KCNH1: variants seen among roughly 807,000 people sequenced by gnomAD.
KCNH1 encodes potassium voltage-gated channel subfamily H member 1.
In KCNH1, 27 loss-of-function variants were observed where a neutral mutation model predicts 69.2. That is an observed-to-expected ratio of 0.39 (90% CI 0.29 to 0.54). The LOEUF (loss-of-function observed/expected upper bound fraction) is 0.54, where lower values mean the gene tolerates loss of function less well. KCNH1 is among the 20% of genes least tolerant of loss of function. KCNH1 has a pLI of 0.68. For missense variants in KCNH1, 798 were observed against 1,261.6 expected, an observed-to-expected ratio of 0.63 and a Z score of 5.57; for synonymous variants, 456 against 487.7, an observed-to-expected ratio of 0.93 and a Z score of 0.86.
At chr1:210,783,508 G>A (rs554819195) in intron 9 of KCNH1, among the ~76,000 whole-genome samples, 1 of 152,312 alleles carries the variant, frequency 6.6e-6, no homozygotes, top group African/African-American at 2.4e-5. Context: ...GTGGCCATCT[G>A]TTCAAGTTCT....
rs149304978 is a variant in KCNH1 at position 210,885,476 on chromosome 1, G to T, written c.1462+34164C>A. Among the ~76,000 whole-genome samples the T allele has an allele frequency of 1.6e-3, 245 of 151,896 alleles. 1 individual carries two copies. The highest frequency in any genetic ancestry group is 5.6e-3 in the African/African-American group (233 of 41,280). ...GGCCCTGGGTTTCAAGCACAAAACC[G>T]GGCTGCCATTTGGGCAGGAGTTTTT... On this transcript the variant is annotated intron_variant, in intron 7 of 10. Transcript: ENST00000271751.
rs1273228019 is a variant in KCNH1 at position 210,718,483 on chromosome 1, T to TAC, written c.2113-34347_2113-34346dup. Among the ~76,000 whole-genome samples, 88 of 72,300 alleles carry TAC rather than the reference T, an allele frequency of 1.2e-3. 6 individuals are homozygous for TAC. The highest frequency in any genetic ancestry group is 1.6e-3 in the Non-Finnish European group (63 of 38,698). 47.4% of individuals were successfully genotyped at this position (72,300 alleles called of 152,430 possible). A position where few individuals can be genotyped will look rare whatever the true frequency, so the allele number is the denominator to read the frequency against. On this transcript the variant is annotated intron_variant, in intron 10 of 10. Coordinates refer to ENST00000271751, the MANE Select transcript of KCNH1 (RefSeq NM_172362.3). ...CATATATGTATATATATAAAATATA[T>TAC]ACATATATGTATATATATAAAATAT...
chr1:210,709,707 GAGAA>G (rs199682543), intron 10 of KCNH1, among the ~76,000 whole-genome samples: 194 of 147,414 alleles, frequency 1.3e-3, no homozygotes, highest in African/African-American at 2.6e-3. Flanking sequence ...GAAAAAGAAA[GAGAA>G]AGAAAGAAAG....
At chr1:211,045,201 G>A (rs1426536764) in intron 5 of KCNH1, among the ~76,000 whole-genome samples, 1 of 151,636 alleles carries the variant, frequency 6.6e-6, no homozygotes, top group Non-Finnish European at 1.5e-5. Flanking sequence ...TCACTTATAA[G>A]TAGGAGCTAA....
chr1:210,864,773 TG>T (rs1035129613), intron 7 of KCNH1, among the ~76,000 whole-genome samples: 3 of 152,232 alleles, frequency 2.0e-5, no homozygotes, highest in African/African-American at 7.2e-5. Flanking sequence ...CAGGATGGCT[TG>T]TCTCTCTTTC....
In KCNH1 at chr1:210,811,529, CT is replaced by C. The variant is rs1254021515; in HGVS notation, c.1463-7364del. ...TTATCTCTCCTCTCATTCTTTTTGT[CT>C]TTATGGATTTATGTTCATAAAAAAG... On this transcript the variant is annotated intron_variant, in intron 7 of 10. Transcript: ENST00000271751. 4.6e-5 allele frequency among the ~76,000 whole-genome samples: 7 copies of C among 152,184 alleles called. 1 individual carries two copies. The highest frequency in any genetic ancestry group is 3.4e-3 in the Middle Eastern group (1 of 294).
At chr1:210,850,344 A>G (rs1685672130) in intron 7 of KCNH1, among the ~76,000 whole-genome samples, 1 of 151,984 alleles carries the variant, frequency 6.6e-6, no homozygotes, top group Non-Finnish European at 1.5e-5. Context: ...CTGAAGAAAA[A>G]AAAAATACCA....
At chr1:210,945,585 A>C (rs1687943741) in intron 6 of KCNH1, among the ~76,000 whole-genome samples, 1 of 152,220 alleles carries the variant, frequency 6.6e-6, no homozygotes, top group Non-Finnish European at 1.5e-5. Flanking sequence ...AAGTCTTCAC[A>C]GTGGTCCCCA....
intron 6 of KCNH1, among the ~76,000 whole-genome samples, chr1:210,950,374 C>CT (rs1288344222): frequency 4.7e-5 from 4 of 84,262 alleles, no homozygotes; most frequent in African/African-American, 9.1e-5. Context: ...CCCCCCTCCC[C>CT]CACCCCACAA....
At chr1:210,800,468 T>A (rs1684405807) in intron 8 of KCNH1, among the ~76,000 whole-genome samples, 1 of 152,174 alleles carries the variant, frequency 6.6e-6, no homozygotes. Context: ...AGGCTGCTAG[T>A]GAATGAGGCC....
chr1:210,689,558 G>A (rs999869334), intron 10 of KCNH1, among the ~76,000 whole-genome samples: 4 of 152,236 alleles, frequency 2.6e-5, no homozygotes, highest in African/African-American at 9.6e-5. Context: ...TTGCATAAAT[G>A]AGCAGGGGCT....
intron 7 of KCNH1, among the ~76,000 whole-genome samples, chr1:210,883,676 A>G (rs916981025): frequency 1.3e-5 from 2 of 152,270 alleles, no homozygotes; most frequent in Non-Finnish European, 2.9e-5. Context: ...AGGATTAAGA[A>G]GAGTCATGCA....
At chr1:210,938,697 T>A (rs569270582) in intron 6 of KCNH1, among the ~76,000 whole-genome samples, 1 of 152,338 alleles carries the variant, frequency 6.6e-6, no homozygotes, top group African/African-American at 2.4e-5. Context: ...TCACACTGGT[T>A]GTCTGCCTGG....
intron 10 of KCNH1, among the ~76,000 whole-genome samples, chr1:210,751,633 C>T (rs1224331195): frequency 6.6e-6 from 1 of 151,830 alleles, no homozygotes; most frequent in Non-Finnish European, 1.5e-5. Flanking sequence ...CCTGAGGGTG[C>T]CTGCTGCTGA....
chr1:210,921,909 C>T (rs1380964598), intron 6 of KCNH1, among the ~76,000 whole-genome samples: 4 of 152,192 alleles, frequency 2.6e-5, no homozygotes, highest in African/African-American at 9.6e-5. Flanking sequence ...CTTTGGGGAA[C>T]ATTTGTTACA....
chr1:210,995,233 A>G (rs933286118), intron 6 of KCNH1, among the ~76,000 whole-genome samples: 1 of 152,204 alleles, frequency 6.6e-6, no homozygotes, highest in Admixed American at 6.5e-5. Context: ...CAAGAGGCTT[A>G]TATTTTTCTG....
chr1:211,014,142 A>T (rs1689450549), intron 6 of KCNH1, among the ~76,000 whole-genome samples: 1 of 152,168 alleles, frequency 6.6e-6, no homozygotes, highest in South Asian at 2.1e-4. Context: ...CCTGGGAGAT[A>T]ACAGCTCCCT....
In KCNH1 at chr1:210,768,344, T is replaced by C. The variant is rs369262815; in HGVS notation, c.2112+7004A>G. ...GGTTAGGTAACTGGCCTGAAGTCAC[T>C]AAGTAGGGCCAGGATTTGAACTCAA... On this transcript the variant is annotated intron_variant, in intron 10 of 10. Transcript: ENST00000271751. Among the ~76,000 whole-genome samples, 13 of 152,282 alleles carry C rather than the reference T, an allele frequency of 8.5e-5. No individual in the cohort carries two copies. The East Asian group carries it at 1.2e-3, about 14-fold the overall frequency.
chr1:211,115,730 T>TATATATATAC (rs1159442976), intron 1 of KCNH1, among the ~76,000 whole-genome samples: 27 of 87,026 alleles, frequency 3.1e-4, no homozygotes, highest in African/African-American at 4.5e-4. Flanking sequence ...TATATATATA[T>TATATATATAC]ACACACACAC....
Sources: allele counts gnomAD v4.1 joint callset (sites outside exome capture counted in the v4.1 genomes callset), GRCh38; gene constraint gnomAD v4.1.1; transcripts MANE v1.5; gene names NCBI Gene and HGNC (gene_info 2026-07-23, HGNC 2026-07-21).